Variants in KCNG3 observed in about 807,000 individuals in gnomAD.
The protein encoded by KCNG3 is voltage-gated potassium channel regulatory subunit KCNG3.
Under a neutral mutation model 29.0 loss-of-function variants are expected in KCNG3, and 15 were observed. The ratio of observed to expected loss-of-function variants is 0.52; its 90% CI spans 0.35 to 0.80. KCNG3 has a LOEUF of 0.80. Ranked by LOEUF, KCNG3 falls within the 30% of genes least tolerant of loss-of-function variation. The pLI is 0.01. For missense variants in KCNG3, 512 were observed against 605.7 expected, an observed-to-expected ratio of 0.85 and a Z score of 1.62; for synonymous variants, 322 against 248.9, an observed-to-expected ratio of 1.29 and a Z score of -2.76.
downstream of KCNG3, among the ~76,000 whole-genome samples, chr2:42,437,581 G>T (rs1245793768): frequency 6.6e-6 from 1 of 152,046 alleles, no homozygotes; most frequent in African/African-American, 2.4e-5. Context: ...GTATAAAAGC[G>T]TGGATATGGT....
At chr2:42,471,741 G>A (rs1029231408) in intron 1 of KCNG3, among the ~76,000 whole-genome samples, 18 of 151,918 alleles carry the variant, frequency 1.2e-4, no homozygotes, top group African/African-American at 4.4e-4. Context: ...ACATGAGGCT[G>A]GGTACAGTGG....
chr2:42,414,857 ACTAT>A, the KCNG3 span, among the ~76,000 whole-genome samples: 10 of 152,152 alleles, frequency 6.6e-5, no homozygotes, highest in Non-Finnish European at 1.2e-4. Flanking sequence ...AATTTCAATG[ACTAT>A]CTTTTTCACA....
At chr2:42,472,439 G>T (rs564675442) in intron 1 of KCNG3, among the ~76,000 whole-genome samples, 1 of 151,782 alleles carries the variant, frequency 6.6e-6, no homozygotes, top group East Asian at 1.9e-4. Context: ...TCAGGAGAGT[G>T]CCACTTTCTG....
In KCNG3 at chr2:42,461,770, C is replaced by T. The variant is rs115375293; in HGVS notation, c.666-17191G>A. ...ATGACTACCACATGGGTTCTATTCC[C>T]TTTTTATTTAACTGGCAGTTCATTA... is the stretch of plus-strand genomic sequence containing the variant. On this transcript the variant is annotated intron_variant, in intron 1 of 1. Coordinates refer to ENST00000306078, the MANE Select transcript of KCNG3 (RefSeq NM_133329.6). Among the ~76,000 whole-genome samples, 428 of 152,238 alleles carry T rather than the reference C, an allele frequency of 2.8e-3. 2 individuals are homozygous for T. Among genetic ancestry groups the T allele is most frequent in the African/African-American group, 9.9e-3 (412 of 41,546 alleles).
rs762893794 is a variant in KCNG3, at chr2:42,444,486, G to T, written c.759C>A (p.Pro253=). ...TTGCCAGTAAATCAATGATGTTCAG[G>T]GGTCTCTTGACAAACTCACACTTGT... is the stretch of plus-strand genomic sequence containing the variant. ...SKNKCEFVKR[P]LNIIDLLAIT... is the part of the protein sequence containing the mutation. Residue 253 remains proline, a synonymous_variant, in exon 2 of 2, where the codon CCC becomes CCA. Coordinates refer to ENST00000306078, the MANE Select transcript of KCNG3 (RefSeq NM_133329.6). The surrounding 1 kb of genome is among the most constrained non-coding windows in gnomAD (Gnocchi z 5.8). 3.7e-5 allele frequency: 59 copies of T among 1,613,950 alleles called. No individual in the cohort carries two copies. The highest frequency in any genetic ancestry group is 4.6e-5 in the Non-Finnish European group (54 of 1,180,028).
intron 1 of KCNG3, among the ~76,000 whole-genome samples, chr2:42,452,243 A>ATATATATATATATATATATATATATTTTT: frequency 8.4e-5 from 8 of 95,052 alleles, no homozygotes; most frequent in African/African-American, 3.2e-4. Flanking sequence ...ATATATATAT[A>ATATATATATATATATATATATATATTTTT]TTTTTTTTTT....
the KCNG3 span, among the ~76,000 whole-genome samples, chr2:42,397,310 T>C: frequency 5.3e-5 from 8 of 151,700 alleles, no homozygotes; most frequent in Non-Finnish European, 7.4e-5. Context: ...GGATGGTTTC[T>C]AGGATATACT....
At chr2:42,460,754 T>C (rs1480921392) in intron 1 of KCNG3, among the ~76,000 whole-genome samples, 2 of 152,152 alleles carry the variant, frequency 1.3e-5, no homozygotes, top group Non-Finnish European at 2.9e-5. Context: ...ACTGGGCCAC[T>C]GACCAGTGTT....
At chr2:42,397,347 T>C in the KCNG3 span, among the ~76,000 whole-genome samples, 2 of 152,122 alleles carry the variant, frequency 1.3e-5, no homozygotes, top group South Asian at 4.2e-4. Flanking sequence ...GTATAGTATA[T>C]GTTACTTTTC....
the KCNG3 span, among the ~76,000 whole-genome samples, chr2:42,409,075 A>C: frequency 1.3e-5 from 2 of 152,142 alleles, no homozygotes. Flanking sequence ...GACTGTGTGC[A>C]GTGGCCAGAC....
rs935199499 is a variant in KCNG3, at chr2:42,444,743, C to T, written c.666-164G>A. 3.3e-5 allele frequency among the ~76,000 whole-genome samples: 5 copies of T among 152,020 alleles called. No individual in the cohort carries two copies. The highest frequency in any genetic ancestry group is 5.9e-5 in the Non-Finnish European group (4 of 68,020). On this transcript the variant is annotated intron_variant, in intron 1 of 1. Transcript: ENST00000306078. This position sits in a 1 kb window ranked among gnomAD's most constrained non-coding sequence, Gnocchi z 5.8. Reference sequence around the variant, plus strand: ...AACATCATCAGACCACCAGGATGCACGCAACAGAACAACAAATCAATTCAG... The same window carrying T: ...AACATCATCAGACCACCAGGATGCATGCAACAGAACAACAAATCAATTCAG...
At chr2:42,406,015 T>C in the KCNG3 span, among the ~76,000 whole-genome samples, 2 of 152,024 alleles carry the variant, frequency 1.3e-5, no homozygotes, top group Non-Finnish European at 2.9e-5. Context: ...AGTGCTGGGA[T>C]TACAGGCGTG....
At chr2:42,467,500 T>A (rs1287749859) in intron 1 of KCNG3, among the ~76,000 whole-genome samples, 1 of 148,706 alleles carries the variant, frequency 6.7e-6, no homozygotes, top group Admixed American at 6.7e-5. Context: ...AAAACCCATC[T>A]CTACTAAAAA....
chr2:42,452,456 G>A (rs540837069), intron 1 of KCNG3, among the ~76,000 whole-genome samples: 1 of 151,288 alleles, frequency 6.6e-6, no homozygotes, highest in African/African-American at 2.4e-5. Flanking sequence ...CAAATACTAG[G>A]TCTCACTCAT....
chr2:42,439,760 C>T (rs1672435703), downstream of KCNG3, among the ~76,000 whole-genome samples: 2 of 151,894 alleles, frequency 1.3e-5, no homozygotes, highest in African/African-American at 2.4e-5. Context: ...GATTCTCCTG[C>T]CTCAGCCTCC....
the KCNG3 span, among the ~76,000 whole-genome samples, chr2:42,405,895 C>T: frequency 4.6e-5 from 7 of 151,962 alleles, no homozygotes; most frequent in Admixed American, 2.6e-4. Context: ...TGTGAGCCAC[C>T]GCACCTGGCC....
intron 1 of KCNG3, among the ~76,000 whole-genome samples, chr2:42,472,194 T>C (rs1374165639): frequency 1.1e-4 from 17 of 152,156 alleles, no homozygotes; most frequent in Admixed American, 1.1e-3. Context: ...ACTACAGTAA[T>C]AGCAAAATTT....
At chr2:42,407,118 G>C in the KCNG3 span, among the ~76,000 whole-genome samples, 1 of 150,612 alleles carries the variant, frequency 6.6e-6, no homozygotes, top group Admixed American at 6.6e-5. Flanking sequence ...AAATCTACCA[G>C]AATACATTTG....
chr2:42,402,335 C>T, the KCNG3 span, among the ~76,000 whole-genome samples: 1 of 152,126 alleles, frequency 6.6e-6, no homozygotes, highest in African/African-American at 2.4e-5. Context: ...GTAAATCAAT[C>T]CTATTGGCCT....
Sources: allele counts gnomAD v4.1 joint callset (sites outside exome capture counted in the v4.1 genomes callset), GRCh38; gene constraint gnomAD v4.1.1; non-coding constraint Gnocchi (gnomAD v3.1); transcripts MANE v1.5; gene names NCBI Gene and HGNC (gene_info 2026-07-23, HGNC 2026-07-21).